Variants in STAT2 observed in about 807,000 individuals in gnomAD.
The protein encoded by STAT2 is interferon alpha induced transcriptional activator.
Under a neutral mutation model 122.3 loss-of-function variants are expected in STAT2, and 51 were observed. The observed-to-expected ratio is 0.42, with a 90% CI of 0.33 to 0.53. The LOEUF is 0.53. STAT2 is among the 20% of genes least tolerant of loss of function. STAT2 has a pLI of 0.10. For missense variants in STAT2, 736 were observed against 1,010.3 expected (o/e 0.73, Z 3.68); for synonymous variants, 351 against 394.9 (o/e 0.89, Z 1.32).
At position 56,349,254 on chromosome 12, in the gene STAT2, G is replaced by C. The variant is rs1809390202; in HGVS notation, c.1349C>G (p.Thr450Ser). 1 of 1,614,086 alleles carries C rather than the reference G, an allele frequency of 6.2e-7. No individual in the cohort carries two copies. Among genetic ancestry groups the C allele is most frequent in the Non-Finnish European group, 8.5e-7 (1 of 1,180,038 alleles). ...GTTGGAAATAATCACCACAGGGAGG[G>C]TGTCCGTCTGGGGAGAAGACAGGAG... ...QGLKQELKTD[T>S]LPVVIISNMN... The change falls in exon 16 of 24, where the codon ACC becomes AGC. Residue 450 changes from threonine (T) to serine (S), a missense_variant. Thr to Ser is a moderately conservative substitution (Grantham distance 58). Transcript: ENST00000314128.
rs754038645 is a variant in STAT2 at position 56,348,511 on chromosome 12, G to A, written c.1724+18C>T. ...CGGAAAGCACAAGCCCATGAGGGAA[G>A]GGTGACCAAGGCCTTACCCATCATT... is the stretch of plus-strand genomic sequence containing the variant. On this transcript the variant is annotated intron_variant, in intron 19 of 23. Transcript: ENST00000314128. The A allele has an allele frequency of 3.1e-6, 5 of 1,613,570 alleles. No individual in the cohort carries two copies. In the South Asian group the frequency reaches 4.4e-5, roughly 14 times the overall value.
In STAT2 at chr12:56,343,698, A is replaced by T. The variant is rs556505238; in HGVS notation, c.2413+127T>A. The T allele has an allele frequency of 1.7e-4, 263 of 1,529,092 alleles. No homozygotes were observed. In the African/African-American group the frequency reaches 3.4e-3, roughly 20 times the overall value. 94.7% of individuals were successfully genotyped at this position (1,529,092 alleles called of 1,614,324 possible). A position where few individuals can be genotyped will look rare whatever the true frequency, so the allele number is the denominator to read the frequency against. On this transcript the variant is annotated intron_variant, in intron 23 of 23. Transcript: ENST00000314128. ...GGAAGGCATGTGTAATTCCTAAAAA[A>T]AGGAATCACAGAATGGACCTCTCTC... is the stretch of plus-strand genomic sequence containing the variant.
Position 56,346,932 on chromosome 12 carries a change from C to G in STAT2, c.1748G>C (p.Arg583Pro). 6.2e-7 allele frequency: 1 copy of G among 1,614,132 alleles called. No homozygotes were observed. Among genetic ancestry groups the G allele is most frequent in the South Asian group, 1.1e-5 (1 of 91,082 alleles). Residue 583 changes from arginine to proline, a missense_variant, in exon 20 of 24, where the codon CGG (arginine) becomes CCG (proline). Arg to Pro is a moderately radical substitution (Grantham distance 103, BLOSUM62 -2). Transcript: ENST00000314128. ...CTTCAGCAGCCGGCGCTCCTGGCTC[C>G]GACTCACAAAGCCCATGATGCGTCT... ...NDGRIMGFVS[R>P]SQERRLLKKT...
rs139433066 is a variant in STAT2, at chr12:56,356,382, C to T, written c.131+59G>A. On this transcript the variant is annotated intron_variant, in intron 2 of 23. Transcript: ENST00000314128. ...CCTGCCATTAATGATTCCAGGATCC[C>T]GGGGGCCCAGAAGTAAGGAACCACC... The T allele has an allele frequency of 2.1e-4, 344 of 1,607,652 alleles. 1 individual carries two copies. The Middle Eastern group carries it at 5.7e-3, about 26-fold the overall frequency.
In STAT2 at chr12:56,343,080, T is replaced by C. The variant is rs1876813013; in HGVS notation, c.*309A>G. 1 of 295,294 alleles carries C rather than the reference T, an allele frequency of 3.4e-6. No homozygotes were observed. The highest frequency in any genetic ancestry group is 6.3e-6 in the Non-Finnish European group (1 of 158,112). The allele number at this position is 295,294 out of a possible 1,614,324, so 18.3% of individuals were successfully genotyped here. On this transcript the variant is annotated 3_prime_UTR_variant, in exon 24 of 24. Transcript: ENST00000314128. ...CCATACTGGAAAGAAGCCACTGCCC[T>C]GAGCCCTCCAAGTACCTGTCAACTG...
chr12:56,354,316 G>C (rs1212959310), intron 8 of STAT2, 150 bp downstream of exon 8: 1 of 1,208,152 alleles, frequency 8.3e-7, no homozygotes, highest in African/African-American at 1.5e-5. Flanking sequence ...TGAGGATGAG[G>C]AGCAGAATAG....
At chr12:56,345,495 CAAAAAAAAAAAA>C (rs1194953634) in intron 22 of STAT2, among the ~76,000 whole-genome samples, 3 of 4,582 alleles carry the variant, frequency 6.5e-4, no homozygotes, top group South Asian at 0.011. Flanking sequence ...GACCCTGTCT[CAAAAAAAAAAAA>C]AAAAAAAAAA....
intron 2 of STAT2, 43 bp downstream of exon 2, chr12:56,356,396 TAA>T: frequency 6.2e-7 from 1 of 1,609,994 alleles, no homozygotes; most frequent in Non-Finnish European, 8.5e-7. Flanking sequence ...GGCCCAGAAG[TAA>T]GGAACCACCT....
rs754607759 is a variant in STAT2 at position 56,351,230 on chromosome 12, A to G, written c.942-40T>C. On this transcript the variant is annotated intron_variant, in intron 9 of 23. Coordinates refer to ENST00000314128, the MANE Select transcript of STAT2 (RefSeq NM_005419.4). Reference sequence around the variant, plus strand: ...GTGTGGAGAGAATATATAGCTCAGTATCTGTAAGAATGGCTTCCCTTGTTC... The same window carrying G: ...GTGTGGAGAGAATATATAGCTCAGTGTCTGTAAGAATGGCTTCCCTTGTTC... 29 of 1,611,608 alleles carry G rather than the reference A, an allele frequency of 1.8e-5. No individual in the cohort carries two copies. The East Asian group carries it at 6.2e-4, about 35-fold the overall frequency.
intron 22 of STAT2, among the ~76,000 whole-genome samples, chr12:56,345,593 G>T (rs1298973731): frequency 1.6e-5 from 2 of 124,078 alleles, no homozygotes; most frequent in African/African-American, 6.7e-5. Context: ...CAAGGTGGGT[G>T]GATTGCTTGA....
rs757860633 is a variant in STAT2 at position 56,343,440 on chromosome 12, G to A, written c.2505C>T (p.Ser835=). 1 of 1,613,986 alleles carries A rather than the reference G, an allele frequency of 6.2e-7. No individual in the cohort carries two copies. The highest frequency in any genetic ancestry group is 2.2e-5 in the East Asian group (1 of 44,898). ...CATCAGTGTAGAAGTGGCTGGGGCG[G>A]GAGACGTAAACCTCATCCACGGTGT... The part of the protein sequence containing the change: ...GQNTVDEVYV[S]RPSHFYTDGP... Residue 835 remains serine, a synonymous_variant, in exon 24 of 24, where the codon TCC becomes TCT. Coordinates refer to ENST00000314128, the MANE Select transcript of STAT2 (RefSeq NM_005419.4).
intron 12 of STAT2, 36 bp downstream of exon 12, chr12:56,350,376 G>A (rs375716974): frequency 1.0e-5 from 16 of 1,594,816 alleles, no homozygotes; most frequent in Non-Finnish European, 1.4e-5. Context: ...GTCATACACT[G>A]TACAGATGTT....
At chr12:56,349,692 G>A (rs1878142150) in intron 13 of STAT2, 56 bp from the exon 14 acceptor site, 1 of 1,610,900 alleles carries the variant, frequency 6.2e-7, no homozygotes, top group East Asian at 2.2e-5. Context: ...AGTGTCCCTG[G>A]AACCCCTGTT....
intron 1 of STAT2, among the ~76,000 whole-genome samples, chr12:56,356,934 C>CTAACTTTT (rs953606222): frequency 6.6e-6 from 1 of 150,550 alleles, no homozygotes; most frequent in Non-Finnish European, 1.5e-5. Context: ...GGTCCAAAAT[C>CTAACTTTT]TAACTTTTTG....
Position 56,343,982 on chromosome 12 carries a change from C to T in STAT2, c.2256G>A (p.Glu752=). The T allele has an allele frequency of 6.2e-7, 1 of 1,614,224 alleles. No individual in the cohort carries two copies. Among genetic ancestry groups the T allele is most frequent in the South Asian group, 1.1e-5 (1 of 91,088 alleles). Residue 752 remains glutamate, a synonymous_variant, in exon 23 of 24, where the codon GAG becomes GAA. Transcript: ENST00000314128. ...GCTCCAGAGTGGACTCCAGCACAGA[C>T]TCTAGCTCTGGCCCCAGATCCAGCC... is the stretch of plus-strand genomic sequence containing the variant. ...KAGLDLGPEL[E]SVLESTLEPV...
intron 3 of STAT2, 122 bp from the exon 4 acceptor site, chr12:56,355,925 C>A: frequency 7.9e-7 from 1 of 1,267,430 alleles, no homozygotes; most frequent in Non-Finnish European, 1.1e-6. Context: ...AGCCCTTTGT[C>A]TTTTCACCAT....
At chr12:56,357,026 A>ATTTT (rs34402362) in intron 1 of STAT2, among the ~76,000 whole-genome samples, 1 of 66,384 alleles carries the variant, frequency 1.5e-5, no homozygotes, top group Admixed American at 1.9e-4. Flanking sequence ...CCTAATCTGT[A>ATTTT]TTTTTTTTTT....
chr12:56,354,040 T>TAA (rs760881337), intron 8 of STAT2, among the ~76,000 whole-genome samples: 765 of 53,280 alleles, frequency 0.014, 52 homozygotes, highest in African/African-American at 0.04. Context: ...TATATATATA[T>TAA]AAAAAATACT....
At chr12:56,344,312 C>T (rs1877025683) in intron 22 of STAT2, among the ~76,000 whole-genome samples, 177 bp from the exon 23 acceptor site, 1 of 152,168 alleles carries the variant, frequency 6.6e-6, no homozygotes, top group Non-Finnish European at 1.5e-5. Context: ...GGCAAGTGGC[C>T]TAACTTTTCT....
Sources: gnomAD v4.1 joint callset for allele counts (sites outside exome capture counted in the v4.1 genomes callset) on GRCh38, gnomAD v4.1.1 for gene constraint, MANE v1.5 for transcripts, NCBI Gene and HGNC (gene_info 2026-07-23, HGNC 2026-07-21) for gene names.